The following PPM1L variants were observed in gnomAD, a reference collection of about 807,000 sequenced individuals.
PPM1L encodes protein phosphatase, Mg2+/Mn2+ dependent 1L.
A neutral mutation model predicts 31.4 loss-of-function variants in PPM1L; 13 were observed. That is an observed-to-expected ratio of 0.41 (90% CI 0.27 to 0.66). The LOEUF is 0.66. Ranked by LOEUF, PPM1L falls within the 30% of genes least tolerant of loss-of-function variation. The pLI is 0.29. For synonymous variants in PPM1L, 184 were observed against 175.4 expected (o/e 1.05, Z -0.39); for missense variants, 326 against 453.7 (o/e 0.72, Z 2.56).
intron 1 of PPM1L, among the ~76,000 whole-genome samples, chr3:160,890,986 A>T (rs140708222): frequency 0.024 from 3,590 of 152,322 alleles, 78 homozygotes; most frequent in Middle Eastern, 0.034. Context: ...AGGATGGATT[A>T]AAGACTTAAA....
At chr3:160,947,077 A>G (rs1715431736) in intron 1 of PPM1L, among the ~76,000 whole-genome samples, 1 of 152,164 alleles carries the variant, frequency 6.6e-6, no homozygotes. Context: ...AGAAAGAGTG[A>G]AAAATACACA....
chr3:160,962,270 T>C (rs2108108592), intron 2 of PPM1L, among the ~76,000 whole-genome samples: 1 of 152,076 alleles, frequency 6.6e-6, no homozygotes, highest in South Asian at 2.1e-4. Flanking sequence ...TTAGATATTT[T>C]CTTTTCTAAA....
chr3:160,961,996 G>A (rs1715982122), intron 2 of PPM1L, 86 bp downstream of exon 2: 2 of 1,019,798 alleles, frequency 2.0e-6, no homozygotes, highest in East Asian at 5.4e-5. Flanking sequence ...AAAGGTTAAG[G>A]GCAAACTAGA....
At chr3:160,856,820 AAAG>A (rs1480085467) in intron 1 of PPM1L, among the ~76,000 whole-genome samples, 2 of 152,306 alleles carry the variant, frequency 1.3e-5, no homozygotes, top group East Asian at 1.9e-4. Flanking sequence ...TAAAAAAAAA[AAAG>A]AAATTCAGAT....
intron 2 of PPM1L, among the ~76,000 whole-genome samples, chr3:160,965,722 T>C (rs1415170663): frequency 6.6e-6 from 1 of 152,094 alleles, no homozygotes; most frequent in Non-Finnish European, 1.5e-5. Context: ...TTCTTTCTAT[T>C]CTATCTTAGT....
chr3:161,023,167 C>CA (rs1718287126), intron 2 of PPM1L, among the ~76,000 whole-genome samples: 1 of 144,718 alleles, frequency 6.9e-6, no homozygotes, highest in Non-Finnish European at 1.5e-5. Flanking sequence ...GATTCTCTTT[C>CA]AGTCTTTGGC....
intron 1 of PPM1L, among the ~76,000 whole-genome samples, chr3:160,787,391 A>G (rs963113685): frequency 6.6e-6 from 1 of 152,124 alleles, no homozygotes; most frequent in African/African-American, 2.4e-5. Flanking sequence ...TTTTGGCCAC[A>G]TGTATGTCTT....
chr3:160,936,251 G>A (rs564762908), intron 1 of PPM1L, among the ~76,000 whole-genome samples: 7 of 151,958 alleles, frequency 4.6e-5, no homozygotes, highest in Non-Finnish European at 7.4e-5. Flanking sequence ...CACCACGCCC[G>A]GCTAATATTT....
chr3:160,773,867 A>G (rs995684068), intron 1 of PPM1L, among the ~76,000 whole-genome samples: 2 of 151,720 alleles, frequency 1.3e-5, no homozygotes, highest in African/African-American at 4.8e-5. Context: ...CTTGGTTTTA[A>G]TGACACCACC....
intron 2 of PPM1L, among the ~76,000 whole-genome samples, chr3:161,063,143 T>A (rs1160254658): frequency 1.3e-5 from 2 of 152,200 alleles, no homozygotes; most frequent in East Asian, 3.8e-4. Flanking sequence ...TTGTGTAGGA[T>A]AATTTAATTC....
chr3:160,888,644 C>T (rs1576692219), intron 1 of PPM1L, among the ~76,000 whole-genome samples: 1 of 152,190 alleles, frequency 6.6e-6, no homozygotes. Flanking sequence ...CAAGGATATT[C>T]AGGACTTGAA....
chr3:160,771,543 C>CTTT (rs745978148), intron 1 of PPM1L, among the ~76,000 whole-genome samples: 2,196 of 77,278 alleles, frequency 0.028, 247 homozygotes, highest in African/African-American at 0.079. Context: ...AAGGCTGGCT[C>CTTT]TTTTTTTTTT....
chr3:160,803,384 T>G (rs141223163), intron 1 of PPM1L, among the ~76,000 whole-genome samples: 7,471 of 151,900 alleles, frequency 0.049, 206 homozygotes, highest in East Asian at 0.072. Context: ...ACTGGTAATT[T>G]TTGCACAAAT....
chr3:161,004,975 T>C (rs921217371), intron 2 of PPM1L, among the ~76,000 whole-genome samples: 3 of 152,200 alleles, frequency 2.0e-5, no homozygotes, highest in Non-Finnish European at 4.4e-5. Flanking sequence ...GTTGTGGGCA[T>C]TTAGTGCTAT....
chr3:160,943,376 G>T (rs140189888), intron 1 of PPM1L, among the ~76,000 whole-genome samples: 1 of 152,130 alleles, frequency 6.6e-6, no homozygotes, highest in African/African-American at 2.4e-5. Flanking sequence ...TTCATCAGTT[G>T]GAGTATTAAA....
At chr3:160,829,695 T>C (rs1438293884) in intron 1 of PPM1L, among the ~76,000 whole-genome samples, 1 of 152,172 alleles carries the variant, frequency 6.6e-6, no homozygotes, top group African/African-American at 2.4e-5. Context: ...ATTTCATTTG[T>C]AGCCTGTCAG....
intron 2 of PPM1L, among the ~76,000 whole-genome samples, chr3:160,997,221 T>A (rs753135766): frequency 1.8e-4 from 27 of 152,108 alleles, no homozygotes; most frequent in Non-Finnish European, 4.0e-4. Context: ...ACAGAGGGAA[T>A]TCCTAGTCAT....
At chr3:160,963,394 C>G (rs1053229417) in intron 2 of PPM1L, among the ~76,000 whole-genome samples, 5 of 151,998 alleles carry the variant, frequency 3.3e-5, no homozygotes, top group Non-Finnish European at 7.4e-5. Flanking sequence ...GCAGTGAAAA[C>G]ATGAAAAGGA....
Position 160,966,870 on chromosome 3 carries a change from T to C in PPM1L, c.574+4960T>C, listed in dbSNP as rs199721900. ...CATTGTTGAACTTCACAATAGTGAC[T>C]TGATTCACAGAGAAAAGGTTCAATA... On this transcript the variant is annotated intron_variant, in intron 2 of 3. Transcript: ENST00000498165. Among the ~76,000 whole-genome samples the C allele has an allele frequency of 2.3e-3, 335 of 144,702 alleles. 2 individuals carry two copies. Among genetic ancestry groups the C allele is most frequent in the African/African-American group, 8.0e-3 (315 of 39,320 alleles). 94.9% of individuals were successfully genotyped at this position (144,702 alleles called of 152,430 possible).
Sources: gnomAD v4.1 joint callset for allele counts (sites outside exome capture counted in the v4.1 genomes callset) on GRCh38, gnomAD v4.1.1 for gene constraint, MANE v1.5 for transcripts, NCBI Gene and HGNC (gene_info 2026-07-23, HGNC 2026-07-21) for gene names.